RERE: variants seen among roughly 807,000 people sequenced by gnomAD.
RERE encodes the protein arginine-glutamic acid dipeptide repeats, also known as arginine-glutamic acid dipeptide repeats protein.
A neutral mutation model predicts 146.1 loss-of-function variants in RERE; 40 were observed. That is an observed-to-expected ratio of 0.27 (90% CI 0.21 to 0.36). The LOEUF (loss-of-function observed/expected upper bound fraction) is 0.36, where lower values mean the gene tolerates loss of function less well. Among genes scored for constraint, RERE ranks in the 10% least tolerant of loss-of-function variants. The pLI is 1.00. For missense variants in RERE, 1,933 were observed against 2,138.7 expected (o/e 0.90, Z 1.90); for synonymous variants, 1,003 against 866.0 (o/e 1.16, Z -2.78).
intron 1 of RERE, among the ~76,000 whole-genome samples, chr1:8,757,174 T>C (rs1640661166): frequency 6.6e-6 from 1 of 151,584 alleles, no homozygotes; most frequent in African/African-American, 2.4e-5. Flanking sequence ...CTACTTGTCA[T>C]TCAACACAAA....
At chr1:8,370,148 T>C (rs1322727804) in intron 12 of RERE, among the ~76,000 whole-genome samples, 1 of 151,906 alleles carries the variant, frequency 6.6e-6, no homozygotes, top group African/African-American at 2.4e-5. Context: ...AGCAGGAGAA[T>C]GGATAAACAA....
chr1:8,369,253 T>C (rs59362786), intron 12 of RERE, among the ~76,000 whole-genome samples: 2,280 of 151,716 alleles, frequency 0.015, 59 homozygotes, highest in African/African-American at 0.052. Flanking sequence ...TTCAGTGAGG[T>C]AAGAAACTGC....
At chr1:8,697,829 T>C (rs1021917542) in intron 1 of RERE, among the ~76,000 whole-genome samples, 7 of 152,182 alleles carry the variant, frequency 4.6e-5, no homozygotes, top group Non-Finnish European at 8.8e-5. Context: ...ACTTAAAATT[T>C]TGAGTCCTTC....
intron 10 of RERE, among the ~76,000 whole-genome samples, chr1:8,492,711 G>A (rs553571142): frequency 6.6e-6 from 1 of 152,292 alleles, no homozygotes; most frequent in East Asian, 1.9e-4. Context: ...ACCAGCCTGG[G>A]CAATACAGTG....
intron 1 of RERE, among the ~76,000 whole-genome samples, chr1:8,713,971 T>C (rs1639716726): frequency 6.6e-6 from 1 of 152,142 alleles, no homozygotes; most frequent in African/African-American, 2.4e-5. Context: ...AATATCCAAA[T>C]ATTAATATTA....
intron 12 of RERE, among the ~76,000 whole-genome samples, chr1:8,399,676 T>C (rs1265924296): frequency 6.6e-6 from 1 of 152,200 alleles, no homozygotes; most frequent in Non-Finnish European, 1.5e-5. Flanking sequence ...TTGATTGAAA[T>C]GATATAGCAA....
At chr1:8,520,628 G>A (rs1011392208) in intron 7 of RERE, among the ~76,000 whole-genome samples, 5 of 151,680 alleles carry the variant, frequency 3.3e-5, no homozygotes, top group African/African-American at 9.7e-5. Flanking sequence ...ATCTGGCAAC[G>A]TCATAAAACA....
chr1:8,671,256 A>T (rs1215871141), intron 1 of RERE, among the ~76,000 whole-genome samples: 1 of 152,190 alleles, frequency 6.6e-6, no homozygotes, highest in African/African-American at 2.4e-5. Context: ...CAGGCCAAAA[A>T]CGTTCTGTAA....
rs758814881 is a variant in RERE, at chr1:8,359,961, A to G, written c.3421T>C (p.Tyr1141His). 6.2e-7 allele frequency: 1 copy of G among 1,613,042 alleles called. No individual in the cohort carries two copies. Among genetic ancestry groups the G allele is most frequent in the South Asian group, 1.1e-5 (1 of 91,084 alleles). ...ARFYKHLDRG[Y>H]NSCARTDLYF... Reference sequence around the variant, plus strand: ...AGGTCTGTCCGGGCACACGAGTTGTAGCCCCGGTCCAGGTGTTTGTAGAAC... The same window carrying G: ...AGGTCTGTCCGGGCACACGAGTTGTGGCCCCGGTCCAGGTGTTTGTAGAAC... Residue 1141 changes from tyrosine (Y) to histidine (H), a missense_variant, in exon 19 of 23, where the codon TAC becomes CAC. Transcript: ENST00000400908.
intron 4 of RERE, among the ~76,000 whole-genome samples, chr1:8,573,606 T>C (rs1646251121): frequency 6.6e-6 from 1 of 152,190 alleles, no homozygotes; most frequent in Non-Finnish European, 1.5e-5. Context: ...GTAATAAGTA[T>C]TCCTATATAT....
intron 12 of RERE, among the ~76,000 whole-genome samples, chr1:8,401,448 A>G (rs1281600777): frequency 6.6e-6 from 1 of 152,006 alleles, no homozygotes; most frequent in Non-Finnish European, 1.5e-5. Context: ...TCACTAAATA[A>G]ATAAATAAAC....
intron 10 of RERE, among the ~76,000 whole-genome samples, chr1:8,481,350 G>A (rs565938628): frequency 3.9e-5 from 6 of 152,262 alleles, no homozygotes; most frequent in East Asian, 3.9e-4. Flanking sequence ...TGTTGACCTC[G>A]TGATCTGCCT....
intron 1 of RERE, among the ~76,000 whole-genome samples, chr1:8,743,074 C>T (rs1640343371): frequency 6.6e-6 from 1 of 151,814 alleles, no homozygotes; most frequent in East Asian, 1.9e-4. Flanking sequence ...TTATTACACA[C>T]TTGTTTAAAA....
chr1:8,691,166 G>A (rs1046788699), intron 1 of RERE, among the ~76,000 whole-genome samples: 5 of 152,124 alleles, frequency 3.3e-5, no homozygotes, highest in African/African-American at 1.2e-4. Context: ...AAAGTGCTGG[G>A]ATTACAGGCA....
At chr1:8,608,989 C>G (rs1467385615) in intron 4 of RERE, among the ~76,000 whole-genome samples, 1 of 152,036 alleles carries the variant, frequency 6.6e-6, no homozygotes, top group East Asian at 1.9e-4. Context: ...GAGGCCGAGG[C>G]AGGAGATCAC....
intron 8 of RERE, among the ~76,000 whole-genome samples, chr1:8,498,356 T>C (rs1241049858): frequency 6.6e-6 from 1 of 150,996 alleles, no homozygotes; most frequent in African/African-American, 2.4e-5. Context: ...CGAAATTCCA[T>C]CTCAAAAATA....
intron 4 of RERE, among the ~76,000 whole-genome samples, chr1:8,570,023 A>C (rs932847080): frequency 1.3e-5 from 2 of 152,204 alleles, no homozygotes; most frequent in Non-Finnish European, 1.5e-5. Context: ...ATAGCTTATC[A>C]GTACTTACTG....
chr1:8,750,485 A>C, intron 1 of RERE: 2 of 1,074,702 alleles, frequency 1.9e-6, no homozygotes, highest in South Asian at 2.5e-5. Flanking sequence ...AACCCTTAAG[A>C]AAAAGCAAAG....
intron 1 of RERE, among the ~76,000 whole-genome samples, chr1:8,718,613 T>C (rs1639805342): frequency 6.6e-6 from 1 of 152,238 alleles, no homozygotes; most frequent in South Asian, 2.1e-4. Flanking sequence ...TAGGTGACTC[T>C]CTTCATCTGG....
Sources: allele counts gnomAD v4.1 joint callset (sites outside exome capture counted in the v4.1 genomes callset), GRCh38; gene constraint gnomAD v4.1.1; transcripts MANE v1.5; gene names NCBI Gene and HGNC (gene_info 2026-07-23, HGNC 2026-07-21).